The following PFKFB2 variants were observed in gnomAD, a reference collection of about 807,000 sequenced individuals.
The protein encoded by PFKFB2 is 6-phosphofructo-2-kinase/fructose-2,6-biphosphatase 2.
PFKFB2 carries 53 observed loss-of-function variants against 68.0 expected under a neutral mutation model. The ratio of observed to expected loss-of-function variants is 0.78; its 90% CI spans 0.63 to 0.98. The LOEUF (loss-of-function observed/expected upper bound fraction) is 0.98, where lower values mean the gene tolerates loss of function less well. Ranked by LOEUF, PFKFB2 falls within the 50% of genes least tolerant of loss-of-function variation. PFKFB2 has a pLI of 0.00. For synonymous variants in PFKFB2, 222 were observed against 227.6 expected, an observed-to-expected ratio of 0.98 and a Z score of 0.22; for missense variants, 451 against 642.0, an observed-to-expected ratio of 0.70 and a Z score of 3.22.
chr1:207,050,932 G>A (rs1682730563), upstream of PFKFB2: 3 of 1,587,532 alleles, frequency 1.9e-6, no homozygotes, highest in African/African-American at 1.3e-5. Context: ...AGGCACCCGC[G>A]GGGCCAGCTT....
At chr1:207,040,968 G>A (rs569468136) in intron 1 of PFKFB2, among the ~76,000 whole-genome samples, 1 of 129,168 alleles carries the variant, frequency 7.7e-6, no homozygotes, top group Non-Finnish European at 1.5e-5. Context: ...TCGCTCTGTC[G>A]CCTAGGCTGG....
intron 8 of PFKFB2, 41 bp downstream of exon 8, chr1:207,065,201 G>A (rs1422831711): frequency 6.2e-7 from 1 of 1,606,314 alleles, no homozygotes; most frequent in East Asian, 2.2e-5. Flanking sequence ...CAAGGCAAAG[G>A]TCTCATCTGG....
Sources: allele counts gnomAD v4.1 joint callset (sites outside exome capture counted in the v4.1 genomes callset), GRCh38; gene constraint gnomAD v4.1.1; transcripts MANE v1.5; gene names NCBI Gene and HGNC (gene_info 2026-07-23, HGNC 2026-07-21).